NXPE2: variants seen among roughly 807,000 people sequenced by gnomAD.
NXPE2 encodes NXPE family member 2.
A neutral mutation model predicts 34.4 loss-of-function variants in NXPE2; 34 were observed. The observed-to-expected ratio is 0.99, with a 90% CI of 0.75 to 1.31. The LOEUF is 1.31. Ranked by LOEUF, NXPE2 falls within the 40% of genes most tolerant of loss-of-function variation. The pLI, the probability that NXPE2 is intolerant of heterozygous loss-of-function variation, is 0.00. For synonymous variants in NXPE2, 235 were observed against 231.3 expected (o/e 1.02, Z -0.15); for missense variants, 649 against 672.5 (o/e 0.97, Z 0.39).
the NXPE2 span, among the ~76,000 whole-genome samples, chr11:114,775,391 G>T: frequency 6.6e-6 from 1 of 152,198 alleles, no homozygotes. Flanking sequence ...GTTAGGGGGG[G>T]CAAGAGGACA....
At chr11:114,522,297 C>T in the NXPE2 span, 1 of 1,613,968 alleles carries the variant, frequency 6.2e-7, no homozygotes, top group South Asian at 1.1e-5. Flanking sequence ...AAGTGCTGGC[C>T]AAAGGTGATG....
At chr11:114,634,224 C>A in the NXPE2 span, among the ~76,000 whole-genome samples, 1 of 151,896 alleles carries the variant, frequency 6.6e-6, no homozygotes, top group African/African-American at 2.4e-5. Context: ...TGATGGTGAG[C>A]ATTTTTTCAT....
the NXPE2 span, among the ~76,000 whole-genome samples, chr11:114,581,343 A>C: frequency 3.9e-5 from 6 of 152,112 alleles, no homozygotes; most frequent in Non-Finnish European, 8.8e-5. Context: ...CAGGTTGGAA[A>C]CCTCTAGATG....
chr11:114,562,826 T>C, the NXPE2 span, among the ~76,000 whole-genome samples: 2 of 152,228 alleles, frequency 1.3e-5, no homozygotes, highest in Admixed American at 6.5e-5. Context: ...TCTCTAAGCC[T>C]GTAGGCTCTC....
Position 114,694,505 on chromosome 11 carries a change from T to C in NXPE2, c.133-3540T>C, listed in dbSNP as rs1180670384. On this transcript the variant is annotated intron_variant, in intron 2 of 5. Coordinates refer to ENST00000389586, the MANE Select transcript of NXPE2 (RefSeq NM_182495.6). Reference sequence around the variant, plus strand: ...GTCTGTTATTAGTTTTGGAAAAATTTCAGTCATTATTTCTTCAAATATTTC... The same window carrying C: ...GTCTGTTATTAGTTTTGGAAAAATTCCAGTCATTATTTCTTCAAATATTTC... 4.6e-5 allele frequency among the ~76,000 whole-genome samples: 7 copies of C among 152,212 alleles called. No homozygotes were observed. In the East Asian group the frequency reaches 1.3e-3, roughly 29 times the overall value.
chr11:114,704,097 C>T (rs12364744), intron 4 of NXPE2, 45 bp downstream of exon 4: 332,732 of 1,349,050 alleles, frequency 0.25, 42,304 homozygotes, highest in East Asian at 0.4. Context: ...AATTTATCCA[C>T]GGAAAGGACA....
chr11:114,474,527 T>C, the NXPE2 span, among the ~76,000 whole-genome samples: 3 of 152,204 alleles, frequency 2.0e-5, 1 homozygote, highest in South Asian at 6.2e-4. Flanking sequence ...GTGTATCAAG[T>C]AAGACTTACA....
chr11:114,634,183 TG>T, the NXPE2 span, among the ~76,000 whole-genome samples: 1 of 151,714 alleles, frequency 6.6e-6, no homozygotes, highest in Non-Finnish European at 1.5e-5. Context: ...TATCTCATTG[TG>T]GTTTTGATTT....
the NXPE2 span, chr11:114,582,242 A>G: frequency 1.3e-6 from 2 of 1,522,942 alleles, no homozygotes; most frequent in Admixed American, 2.2e-5. Context: ...ATATAGGCCA[A>G]ATCACAATAT....
chr11:114,638,051 C>T, the NXPE2 span, among the ~76,000 whole-genome samples: 1 of 151,590 alleles, frequency 6.6e-6, no homozygotes, highest in Non-Finnish European at 1.5e-5. Context: ...TAATATCCTG[C>T]AGAGTGTTTT....
chr11:114,715,052 G>C, the NXPE2 span, among the ~76,000 whole-genome samples: 1 of 152,110 alleles, frequency 6.6e-6, no homozygotes, highest in Admixed American at 6.5e-5. Flanking sequence ...GGAAGACTCT[G>C]GTTGTCCCAG....
chr11:114,643,638 C>T, the NXPE2 span, among the ~76,000 whole-genome samples: 4 of 152,002 alleles, frequency 2.6e-5, no homozygotes, highest in African/African-American at 9.7e-5. Flanking sequence ...GATACCAGTT[C>T]CATGCTGTTT....
chr11:114,770,397 A>G, the NXPE2 span, among the ~76,000 whole-genome samples: 1 of 152,240 alleles, frequency 6.6e-6, no homozygotes, highest in Non-Finnish European at 1.5e-5. Flanking sequence ...GTGTGCACAC[A>G]CATGATTGCG....
the NXPE2 span, among the ~76,000 whole-genome samples, chr11:114,782,927 C>T: frequency 2.0e-5 from 3 of 152,302 alleles, no homozygotes; most frequent in South Asian, 2.1e-4. Flanking sequence ...AGATCTTAGC[C>T]TGTGGACAGA....
the NXPE2 span, among the ~76,000 whole-genome samples, chr11:114,605,075 A>T: frequency 5.9e-5 from 9 of 151,972 alleles, no homozygotes; most frequent in Non-Finnish European, 1.2e-4. Flanking sequence ...TACCCAGTGG[A>T]TAATAAATAT....
chr11:114,637,116 CTCAGGACTTGCTTTATGAA>C, the NXPE2 span, among the ~76,000 whole-genome samples: 1 of 151,728 alleles, frequency 6.6e-6, no homozygotes, highest in African/African-American at 2.4e-5. Flanking sequence ...TTGTAGGTCA[CTCAGGACTTGCTTTATGAA>C]TCTAGGTGCT....
At chr11:114,631,548 A>G in the NXPE2 span, among the ~76,000 whole-genome samples, 1 of 150,002 alleles carries the variant, frequency 6.7e-6, no homozygotes, top group Non-Finnish European at 1.5e-5. Context: ...GGGGAGGGAT[A>G]GCACTGGGAG....
At chr11:114,767,644 T>A in the NXPE2 span, among the ~76,000 whole-genome samples, 1 of 152,160 alleles carries the variant, frequency 6.6e-6, no homozygotes. Context: ...AATTAAGACA[T>A]CAGTGAATAA....
chr11:114,503,548 A>G, the NXPE2 span, among the ~76,000 whole-genome samples: 4 of 152,178 alleles, frequency 2.6e-5, no homozygotes, highest in African/African-American at 9.6e-5. Flanking sequence ...GATGACTAAA[A>G]AAAAACCATG....
Sources: allele counts gnomAD v4.1 joint callset (sites outside exome capture counted in the v4.1 genomes callset), GRCh38; gene constraint gnomAD v4.1.1; transcripts MANE v1.5; gene names NCBI Gene and HGNC (gene_info 2026-07-23, HGNC 2026-07-21).